Variants in MEF2C observed in about 807,000 individuals in gnomAD.
MEF2C encodes the protein myocyte-specific enhancer factor 2C.
MEF2C carries 6 observed loss-of-function variants against 50.5 expected under a neutral mutation model. The ratio of observed to expected loss-of-function variants is 0.12; its 90% CI spans 0.07 to 0.23. The LOEUF (loss-of-function observed/expected upper bound fraction) is 0.23. Ranked by LOEUF, MEF2C falls within the 10% of genes least tolerant of loss-of-function variation. The pLI, the probability that MEF2C is intolerant of heterozygous loss-of-function variation, is 1.00. For missense variants in MEF2C, 276 were observed against 605.0 expected (o/e 0.46, Z 5.70); for synonymous variants, 183 against 228.0 (o/e 0.80, Z 1.78).
chr5:88,807,753 T>C (rs1801123334), intron 2 of MEF2C, among the ~76,000 whole-genome samples: 2 of 152,176 alleles, frequency 1.3e-5, no homozygotes, highest in African/African-American at 4.8e-5. Flanking sequence ...CTTGGTGACT[T>C]GAAGAGTCTA....
At chr5:88,748,952 T>C (rs1771269044) in intron 6 of MEF2C, 118 bp downstream of exon 6, 1 of 1,524,414 alleles carries the variant, frequency 6.6e-7, no homozygotes, top group Non-Finnish European at 8.8e-7. Flanking sequence ...TGGTGTCATT[T>C]TTCCATGCCT....
At chr5:88,775,230 T>C (rs1179816356) in intron 3 of MEF2C, among the ~76,000 whole-genome samples, 1 of 152,242 alleles carries the variant, frequency 6.6e-6, no homozygotes, top group African/African-American at 2.4e-5. Flanking sequence ...ACTTGCCTGC[T>C]AGTTTCCTGG....
At chr5:88,865,342 T>C (rs552148798) in intron 1 of MEF2C, among the ~76,000 whole-genome samples, 1 of 152,332 alleles carries the variant, frequency 6.6e-6, no homozygotes, top group East Asian at 1.9e-4. Flanking sequence ...CCCATAGTTT[T>C]CTAACGAATT....
chr5:88,724,278 GA>G (rs1757627797), intron 10 of MEF2C, among the ~76,000 whole-genome samples: 2 of 151,934 alleles, frequency 1.3e-5, no homozygotes, highest in African/African-American at 4.8e-5. Context: ...ATATATTTCA[GA>G]AAAAAAGTGA....
Position 88,801,237 on chromosome 5 carries a change from A to T in MEF2C, c.258+3361T>A, listed in dbSNP as rs550573571. On this transcript the variant is annotated intron_variant, in intron 3 of 10. Coordinates refer to ENST00000504921, the MANE Select transcript of MEF2C (RefSeq NM_002397.5). ...TAATGGTCCAAATGGGAAATATAAA[A>T]CTAATGACCCTTCATGAAACATATT... Among the ~76,000 whole-genome samples the T allele has an allele frequency of 1.2e-4, 18 of 152,262 alleles. No homozygotes were observed. In the South Asian group the frequency reaches 3.5e-3, roughly 30 times the overall value.
At chr5:88,847,513 T>C (rs1819748572) in intron 1 of MEF2C, among the ~76,000 whole-genome samples, 1 of 152,150 alleles carries the variant, frequency 6.6e-6, no homozygotes, top group African/African-American at 2.4e-5. Context: ...CACCAAAACA[T>C]TATTGAAATG....
intron 2 of MEF2C, among the ~76,000 whole-genome samples, chr5:88,811,568 G>A (rs2153124218): frequency 6.6e-6 from 1 of 152,130 alleles, no homozygotes; most frequent in Non-Finnish European, 1.5e-5. Context: ...ATGGCAATAT[G>A]GTTCACCAAG....
intron 6 of MEF2C, chr5:88,739,992 A>G (rs1765834013): frequency 2.0e-6 from 2 of 985,338 alleles, no homozygotes; most frequent in Non-Finnish European, 2.4e-6. Context: ...TAAACTATGA[A>G]GAAACTTCTC....
intron 1 of MEF2C, 81 bp from the exon 2 acceptor site, chr5:88,824,011 GA>G: frequency 8.2e-7 from 1 of 1,221,640 alleles, no homozygotes; most frequent in Non-Finnish European, 1.0e-6. Flanking sequence ...TTTTATCAAG[GA>G]AATAAACTAT....
At chr5:88,793,670 G>A (rs893937073) in intron 3 of MEF2C, among the ~76,000 whole-genome samples, 5 of 152,068 alleles carry the variant, frequency 3.3e-5, no homozygotes, top group Admixed American at 3.3e-4. Flanking sequence ...TTTACTTTAA[G>A]TTCTGGGATA....
intron 1 of MEF2C, among the ~76,000 whole-genome samples, chr5:88,879,684 T>C (rs776175049): frequency 2.6e-5 from 4 of 152,104 alleles, no homozygotes; most frequent in Admixed American, 6.5e-5. Flanking sequence ...AAAGAAATGA[T>C]GGAACTTAAA....
At chr5:88,890,918 A>G (rs965541203) in intron 1 of MEF2C, among the ~76,000 whole-genome samples, 2 of 152,212 alleles carry the variant, frequency 1.3e-5, no homozygotes, top group African/African-American at 4.8e-5. Flanking sequence ...AGGTCCCCTA[A>G]CAGGGTCCAG....
chr5:88,821,213 A>G (rs1019061065), intron 2 of MEF2C, among the ~76,000 whole-genome samples: 2 of 151,952 alleles, frequency 1.3e-5, no homozygotes, highest in Admixed American at 1.3e-4. Context: ...ATATAAAAAA[A>G]GAAAAGATAT....
chr5:88,863,507 T>A (rs1826184309), intron 1 of MEF2C, among the ~76,000 whole-genome samples: 1 of 152,242 alleles, frequency 6.6e-6, no homozygotes, highest in Non-Finnish European at 1.5e-5. Flanking sequence ...AGTTCAAGAT[T>A]CACTATTTTG....
At chr5:88,852,797 C>T (rs971949495) in intron 1 of MEF2C, among the ~76,000 whole-genome samples, 2 of 152,202 alleles carry the variant, frequency 1.3e-5, no homozygotes, top group Admixed American at 6.5e-5. Context: ...CACTTGTAAT[C>T]CCAGCTACTT....
At chr5:88,783,823 A>G (rs779250780) in intron 3 of MEF2C, among the ~76,000 whole-genome samples, 10 of 152,106 alleles carry the variant, frequency 6.6e-5, no homozygotes, top group Non-Finnish European at 1.3e-4. Flanking sequence ...TTCTACCTTA[A>G]TTGGACTGTA....
rs985574904 is a variant in MEF2C, at chr5:88,848,782, G to A, written c.-142-24852C>T. Among the ~76,000 whole-genome samples the A allele has an allele frequency of 2.0e-4, 31 of 152,098 alleles. 1 individual carries two copies. The highest frequency in any genetic ancestry group is 1.5e-3 in the Admixed American group (23 of 15,272). On this transcript the variant is annotated intron_variant, in intron 1 of 10. Transcript: ENST00000504921. ...GAATAAGGTATTTAGAGTTCTTAAC[G>A]GGTGATGTAGAAGTAAGTAGTATGT... is the stretch of plus-strand genomic sequence containing the variant.
At chr5:88,774,973 C>T (rs1784105768) in intron 3 of MEF2C, among the ~76,000 whole-genome samples, 1 of 152,206 alleles carries the variant, frequency 6.6e-6, no homozygotes, top group African/African-American at 2.4e-5. Context: ...CAAGGCTGCG[C>T]TCCTTGAGGG....
At chr5:88,886,460 C>T (rs2150174777), upstream of MEF2C, among the ~76,000 whole-genome samples, 1 of 152,188 alleles carries the variant, frequency 6.6e-6, no homozygotes, top group South Asian at 2.1e-4. Flanking sequence ...AAATTTGTGC[C>T]TTACTAAGGG....
Sources: allele counts gnomAD v4.1 joint callset (sites outside exome capture counted in the v4.1 genomes callset), GRCh38; gene constraint gnomAD v4.1.1; transcripts MANE v1.5; gene names NCBI Gene and HGNC (gene_info 2026-07-23, HGNC 2026-07-21).